Variants in CCL26 observed in about 807,000 individuals in gnomAD.
CCL26 encodes C-C motif chemokine ligand 26.
CCL26 carries 10 observed loss-of-function variants against 10.7 expected under a neutral mutation model. The observed-to-expected ratio is 0.93, with a 90% confidence interval of 0.57 to 1.58. The LOEUF is 1.58. Ranked by LOEUF, CCL26 falls within the 40% of genes most tolerant of loss-of-function variation. CCL26 has a pLI of 0.00. For missense variants in CCL26, 116 were observed against 111.0 expected, an observed-to-expected ratio of 1.05 and a Z score of -0.20; for synonymous variants, 43 against 41.4, an observed-to-expected ratio of 1.04 and a Z score of -0.15.
At chr7:75,791,119 C>T (rs1015983810), upstream of CCL26, among the ~76,000 whole-genome samples, 4 of 148,994 alleles carry the variant, frequency 2.7e-5, no homozygotes, top group South Asian at 4.3e-4. Flanking sequence ...TTCTGCCTCC[C>T]GGGTTCAAGC....
Position 75,771,773 on chromosome 7 carries a change from G to C in CCL26, c.188+116C>G, listed in dbSNP as rs1312120798. The stretch of plus-strand genomic sequence containing the variant: ...GAAGCTCAGAGTCACACTTGTTAGT[G>C]TGCAGAGGTGGGGTTTCCAGGTTCC... On this transcript the variant is annotated intron_variant, in intron 2 of 2. Transcript: ENST00000005180. 2.4e-5 allele frequency: 17 copies of C among 710,316 alleles called. No homozygotes were observed. The Admixed American group carries it at 3.6e-4, about 15-fold the overall frequency. 44.0% of individuals were successfully genotyped at this position (710,316 alleles called of 1,614,324 possible).
At chr7:75,783,256 T>G (rs1803105548) in intron 1 of CCL26, among the ~76,000 whole-genome samples, 1 of 152,166 alleles carries the variant, frequency 6.6e-6, no homozygotes, top group African/African-American at 2.4e-5. Flanking sequence ...GTAACTTAAA[T>G]GTCATCCTAA....
intron 2 of CCL26, among the ~76,000 whole-genome samples, chr7:75,770,603 A>T (rs1802800508): frequency 6.7e-6 from 1 of 149,888 alleles, no homozygotes; most frequent in Non-Finnish European, 1.5e-5. Flanking sequence ...CTGGTCTCGA[A>T]CTCCCAACCT....
chr7:75,775,386 C>T (rs7783915), upstream of CCL26, among the ~76,000 whole-genome samples: 44,676 of 151,816 alleles, frequency 0.29, 7,163 homozygotes, highest in African/African-American at 0.43. Context: ...TCAGTTCCTC[C>T]AGCAGGCCCT....
intron 1 of CCL26, among the ~76,000 whole-genome samples, chr7:75,777,721 G>GGAAAAAAAAA (rs1802971123): frequency 1.7e-5 from 1 of 60,542 alleles, no homozygotes; most frequent in African/African-American, 7.1e-5. Flanking sequence ...TCCTGTCTCA[G>GGAAAAAAAAA]AAAAAAAAAA....
chr7:75,771,216 A>G (rs1395752933), intron 2 of CCL26, among the ~76,000 whole-genome samples: 8 of 151,794 alleles, frequency 5.3e-5, no homozygotes, highest in Non-Finnish European at 1.0e-4. Flanking sequence ...ACCATGTACA[A>G]CTCCACCAAT....
upstream of CCL26, among the ~76,000 whole-genome samples, chr7:75,773,395 G>C (rs1802872175): frequency 6.6e-6 from 1 of 151,810 alleles, no homozygotes; most frequent in Non-Finnish European, 1.5e-5. Context: ...TTGCACTCCA[G>C]CCTGGGCGAC....
At chr7:75,789,984 T>C (rs1554530536), upstream of CCL26, 1 of 151,428 alleles carries the variant, frequency 6.6e-6, no homozygotes, top group African/African-American at 2.4e-5. Context: ...ATTGCCTTTC[T>C]ACGTCTTACG....
chr7:75,787,506 G>T (rs1803223237), intron 1 of CCL26, among the ~76,000 whole-genome samples: 3 of 151,770 alleles, frequency 2.0e-5, no homozygotes, highest in Admixed American at 2.0e-4. Context: ...TTAGCCAAGC[G>T]TGGTGGCAGG....
At chr7:75,786,872 C>T (rs1440044160) in intron 1 of CCL26, among the ~76,000 whole-genome samples, 3 of 152,206 alleles carry the variant, frequency 2.0e-5, no homozygotes, top group Non-Finnish European at 4.4e-5. Flanking sequence ...AGGTTACAAG[C>T]TGCTAGCCCG....
chr7:75,775,143 C>T (rs7783601), upstream of CCL26, among the ~76,000 whole-genome samples: 41,448 of 151,618 alleles, frequency 0.27, 5,977 homozygotes, highest in African/African-American at 0.35. Flanking sequence ...TTGCTTGAAC[C>T]GGGAGGCAGA....
upstream of CCL26, among the ~76,000 whole-genome samples, chr7:75,791,137 C>T (rs1554530801): frequency 1.3e-5 from 2 of 150,250 alleles, no homozygotes. Context: ...AGCAATTCTC[C>T]TGCCTCAGCC....
At chr7:75,779,982 G>T (rs1291627801) in intron 1 of CCL26, among the ~76,000 whole-genome samples, 1 of 140,558 alleles carries the variant, frequency 7.1e-6, no homozygotes, top group Non-Finnish European at 1.5e-5. Flanking sequence ...TTTCCTAGGG[G>T]ACAAGCACCT....
chr7:75,772,313 C>T (rs782791989), upstream of CCL26: 71 of 645,816 alleles, frequency 1.1e-4, no homozygotes, highest in Non-Finnish European at 1.8e-4. Flanking sequence ...TTTGACCCAA[C>T]AAAGGAAAAG....
intron 1 of CCL26, among the ~76,000 whole-genome samples, chr7:75,785,324 C>G (rs563256951): frequency 6.6e-6 from 1 of 152,302 alleles, no homozygotes; most frequent in African/African-American, 2.4e-5. Context: ...TTCAGCCAAG[C>G]TCTTTCCCAT....
chr7:75,771,995 C>T lies in CCL26; in HGVS notation c.82G>A (p.Asp28Asn), dbSNP rs1563334920. The T allele has an allele frequency of 6.2e-7, 1 of 1,613,326 alleles. No individual in the cohort carries two copies. The highest frequency in any genetic ancestry group is 8.5e-7 in the Non-Finnish European group (1 of 1,179,258). Reference protein sequence around the residue: ...LHLGTATRGSDISKTCCFQYS... With the variant: ...LHLGTATRGSNISKTCCFQYS... ...TGGAAGCAGCAGGTCTTGGATATGT[C>T]ACTCCCACCTAAAAATCAGGGAGAG... Residue 28 changes from aspartate to asparagine, a missense_variant, in exon 2 of 3, where the codon GAC becomes AAC. Physicochemically the swap from Asp to Asn is conservative, Grantham distance 23. Coordinates refer to ENST00000005180, the MANE Select transcript of CCL26 (RefSeq NM_001371938.1).
intron 2 of CCL26, among the ~76,000 whole-genome samples, chr7:75,770,660 C>A (rs1254860321): frequency 6.6e-6 from 1 of 150,416 alleles, no homozygotes; most frequent in Non-Finnish European, 1.5e-5. Context: ...GGATTACAGG[C>A]GTGAGCCACC....
upstream of CCL26, among the ~76,000 whole-genome samples, chr7:75,774,157 TG>T (rs1802886550): frequency 6.6e-6 from 1 of 152,178 alleles, no homozygotes; most frequent in Admixed American, 6.5e-5. Flanking sequence ...TTTTTGTTTT[TG>T]TTTTTATTGA....
upstream of CCL26, among the ~76,000 whole-genome samples, chr7:75,774,747 AT>A (rs76359306): frequency 1.5e-4 from 23 of 151,136 alleles, no homozygotes; most frequent in Non-Finnish European, 5.9e-5. Context: ...CACCCGGCCT[AT>A]TTTTTTTAAT....
Sources: gnomAD v4.1 joint callset for allele counts (sites outside exome capture counted in the v4.1 genomes callset) on GRCh38, gnomAD v4.1.1 for gene constraint, MANE v1.5 for transcripts, NCBI Gene and HGNC (gene_info 2026-07-23, HGNC 2026-07-21) for gene names.